The following TBC1D20 variants were observed in gnomAD, a reference collection of about 807,000 sequenced individuals.
TBC1D20 encodes TBC1 domain family member 20, also known as chromosome 20 open reading frame 140.
TBC1D20 carries 12 observed loss-of-function variants against 41.6 expected under a neutral mutation model. That is an observed-to-expected ratio of 0.29 (90% CI 0.18 to 0.47). The LOEUF (loss-of-function observed/expected upper bound fraction) is 0.47. TBC1D20 is among the 20% of genes least tolerant of loss of function. TBC1D20 has a pLI of 1.00. For missense variants in TBC1D20, 421 were observed against 517.4 expected, an observed-to-expected ratio of 0.81 and a Z score of 1.81; for synonymous variants, 205 against 204.8, an observed-to-expected ratio of 1.00 and a Z score of -0.01.
At position 441,488 on chromosome 20, in the gene TBC1D20, G is replaced by C. The variant is rs1007160062; in HGVS notation, c.626+100C>G. ...GGGAGAACTTAACAAATCCACCCAA[G>C]ACAATGAGGAAACTGCGCTCGGCTT... On this transcript the variant is annotated intron_variant, in intron 5 of 7. Transcript: ENST00000354200. 1.1e-5 allele frequency: 11 copies of C among 1,035,624 alleles called. No homozygotes were observed. In the African/African-American group the frequency reaches 1.6e-4, roughly 15 times the overall value. The allele number at this position is 1,035,624 out of a possible 1,614,324, so 64.2% of individuals were successfully genotyped here.
At chr20:443,684 G>A (rs1248908608) in intron 3 of TBC1D20, among the ~76,000 whole-genome samples, 1 of 152,160 alleles carries the variant, frequency 6.6e-6, no homozygotes, top group Non-Finnish European at 1.5e-5. Flanking sequence ...AACCCTGTGT[G>A]AATTTTCAGC....
intron 3 of TBC1D20, among the ~76,000 whole-genome samples, chr20:442,604 G>A (rs992497186): frequency 1.8e-4 from 28 of 152,198 alleles, no homozygotes; most frequent in South Asian, 8.3e-4. Flanking sequence ...AAAATCTGTG[G>A]ATTAATTAGT....
chr20:453,694 T>A (rs2017492347), intron 1 of TBC1D20, among the ~76,000 whole-genome samples: 1 of 145,194 alleles, frequency 6.9e-6, no homozygotes, highest in Non-Finnish European at 1.5e-5. Context: ...TACGGGCACG[T>A]GCCACCATGC....
intron 3 of TBC1D20, among the ~76,000 whole-genome samples, chr20:444,486 T>G (rs563812551): frequency 6.6e-6 from 1 of 151,382 alleles, no homozygotes; most frequent in Admixed American, 6.5e-5. Flanking sequence ...CTGTGAAAAT[T>G]GAGACAACGG....
At chr20:448,872 C>G (rs1405201976) in intron 1 of TBC1D20, among the ~76,000 whole-genome samples, 1 of 130,754 alleles carries the variant, frequency 7.6e-6, no homozygotes, top group Non-Finnish European at 1.6e-5. Context: ...GAGACGGAGT[C>G]TCGGTCTGTA....
chr20:446,720 C>G (rs189663343), intron 2 of TBC1D20, among the ~76,000 whole-genome samples: 21 of 152,050 alleles, frequency 1.4e-4, no homozygotes, highest in Middle Eastern at 6.8e-3. Context: ...AGGCTGGCCT[C>G]AAACTCCTGG....
At chr20:441,766 T>C (rs2122387023) in intron 4 of TBC1D20, 77 bp from the exon 5 acceptor site, 1 of 1,595,376 alleles carries the variant, frequency 6.3e-7, no homozygotes, top group East Asian at 2.2e-5. Flanking sequence ...CTCAAACTCC[T>C]AAAAAAGCTG....
In TBC1D20 at chr20:438,770, T is replaced by C; in HGVS notation, c.1028A>G (p.Gln343Arg). The C allele has an allele frequency of 6.2e-7, 1 of 1,614,200 alleles. No homozygotes were observed. Among genetic ancestry groups the C allele is most frequent in the Non-Finnish European group, 8.5e-7 (1 of 1,180,044 alleles). The change falls in exon 8 of 8, where the codon CAG becomes CGG. Residue 343 changes from glutamine to arginine, a missense_variant. Gln to Arg is a conservative substitution (Grantham distance 43, BLOSUM62 1). This residue lies in a region of TBC1D20 where 161 missense variants were observed against 182.7 expected (regional missense o/e 0.88). Transcript: ENST00000354200. The stretch of plus-strand genomic sequence containing the variant: ...AGGCCGCAGAAGTCCCCGAAACCGC[T>C]GCCGCAGCACCATATCAGGCCTCTG... ...AQQRPDMVLR[Q>R]RFRGLLRPED... is the part of the protein sequence containing the mutation.
In TBC1D20 at chr20:448,113, G is replaced by A. The variant is rs1223904314; in HGVS notation, c.71-39C>T. 5 of 1,496,452 alleles carry A rather than the reference G, an allele frequency of 3.3e-6. No individual in the cohort carries two copies. The East Asian group carries it at 1.1e-4, about 34-fold the overall frequency. The allele number at this position is 1,496,452 out of a possible 1,614,324, so 92.7% of individuals were successfully genotyped here. On this transcript the variant is annotated intron_variant, in intron 1 of 7. Transcript: ENST00000354200. ...TAGGGAAGAATTAGGCGCACATTCAGCACGTGCATATTTTCTGCCTAGGAC... is the reference window on the plus strand; with the variant it reads ...TAGGGAAGAATTAGGCGCACATTCAACACGTGCATATTTTCTGCCTAGGAC...
In TBC1D20 at chr20:436,609, G is replaced by A. The variant is rs964189096; in HGVS notation, c.*1977C>T. ...GTACTTGTGGAAGGAGGGGCAGCTG[G>A]TGCCGCCCACTGAGAGGATGACAAG... On this transcript the variant is annotated 3_prime_UTR_variant, in exon 8 of 8. Transcript: ENST00000354200. 1 of 153,690 alleles carries A rather than the reference G, an allele frequency of 6.5e-6. No individual in the cohort carries two copies. The highest frequency in any genetic ancestry group is 2.4e-5 in the African/African-American group (1 of 41,424). The allele number at this position is 153,690 out of a possible 1,614,324, so 9.5% of individuals were successfully genotyped here. A position where few individuals can be genotyped will look rare whatever the true frequency, so the allele number is the denominator to read the frequency against.
intron 1 of TBC1D20, among the ~76,000 whole-genome samples, chr20:452,909 G>C (rs554552940): frequency 2.6e-5 from 4 of 152,094 alleles, no homozygotes; most frequent in Non-Finnish European, 5.9e-5. Flanking sequence ...CAGCATTTTG[G>C]GAGGCCGAGG....
chr20:462,460 A>AGACGCGGCTCCGACCGCGGGAC lies in TBC1D20; in HGVS notation c.-77_-56dup. 1 of 1,075,144 alleles carries AGACGCGGCTCCGACCGCGGGAC rather than the reference A, an allele frequency of 9.3e-7. No individual in the cohort carries two copies. The highest frequency in any genetic ancestry group is 1.2e-6 in the Non-Finnish European group (1 of 851,540). 66.6% of individuals were successfully genotyped at this position (1,075,144 alleles called of 1,614,324 possible). The stretch of plus-strand genomic sequence containing the variant: ...CCCGGCTGGTGGCGGAGCCGGGAGA[A>AGACGCGGCTCCGACCGCGGGAC]GACGCGGCTCCGACCGCGGGACGTA... On this transcript the variant is annotated 5_prime_UTR_variant, in exon 1 of 8. Transcript: ENST00000354200.
intron 1 of TBC1D20, among the ~76,000 whole-genome samples, chr20:457,974 G>A (rs181160806): frequency 7.3e-4 from 111 of 152,244 alleles, no homozygotes; most frequent in South Asian, 1.7e-3. Flanking sequence ...GAGTACCCCT[G>A]CACTTTCCAC....
intron 1 of TBC1D20, among the ~76,000 whole-genome samples, chr20:452,180 G>T (rs1600339063): frequency 6.6e-6 from 1 of 152,118 alleles, no homozygotes; most frequent in Admixed American, 6.6e-5. Flanking sequence ...GGTGGCGCAC[G>T]CCTGTAATCC....
At chr20:455,496 T>C (rs1283940972) in intron 1 of TBC1D20, among the ~76,000 whole-genome samples, 7 of 152,012 alleles carry the variant, frequency 4.6e-5, no homozygotes, top group African/African-American at 1.4e-4. Flanking sequence ...TGCACGCTTG[T>C]AGTCCCATCT....
At chr20:438,928 C>T (rs1360205256) in intron 7 of TBC1D20, 87 bp from the exon 8 acceptor site, 2 of 1,535,088 alleles carry the variant, frequency 1.3e-6, no homozygotes, top group Non-Finnish European at 1.8e-6. Context: ...CGGGCAGAGC[C>T]TTTCATTGCT....
chr20:462,312 C>T (rs1230091350), intron 1 of TBC1D20, 24 bp downstream of exon 1: 7 of 1,276,384 alleles, frequency 5.5e-6, no homozygotes, highest in Non-Finnish European at 7.0e-6. Flanking sequence ...AGGCCGCTCC[C>T]GGCGCCCCGG....
chr20:443,213 T>C (rs796730415), intron 3 of TBC1D20, among the ~76,000 whole-genome samples: 6 of 152,326 alleles, frequency 3.9e-5, no homozygotes, highest in African/African-American at 1.2e-4. Context: ...TATGAAATTA[T>C]ATAAAAATAA....
intron 2 of TBC1D20, among the ~76,000 whole-genome samples, chr20:447,061 G>C (rs1257162639): frequency 7.0e-6 from 1 of 143,646 alleles, no homozygotes; most frequent in East Asian, 2.1e-4. Context: ...GCAATTCTCT[G>C]CTGCAGCCTC....
Sources: allele counts gnomAD v4.1 joint callset (sites outside exome capture counted in the v4.1 genomes callset), GRCh38; gene constraint gnomAD v4.1.1; regional missense constraint gnomAD v4.1.1; transcripts MANE v1.5; gene names NCBI Gene and HGNC (gene_info 2026-07-23, HGNC 2026-07-21).